DRC8: variants seen among roughly 807,000 people sequenced by gnomAD.
DRC8 encodes the protein dynein regulatory complex subunit 8.
the DRC8 span, among the ~76,000 whole-genome samples, chr1:245,022,235 T>C: frequency 6.7e-6 from 1 of 148,970 alleles, no homozygotes; most frequent in South Asian, 2.2e-4. Context: ...AACCTCCACC[T>C]CCTGGGTTCA....
the DRC8 span, among the ~76,000 whole-genome samples, chr1:244,999,151 G>T: frequency 6.6e-6 from 1 of 150,630 alleles, no homozygotes; most frequent in African/African-American, 2.4e-5. Context: ...GGAGGAGGAG[G>T]CAGCAATATT....
chr1:245,059,384 A>G, the DRC8 span: 359 of 1,601,912 alleles, frequency 2.2e-4, no homozygotes, highest in Non-Finnish European at 3.0e-4. Flanking sequence ...TTTTTTTTCC[A>G]GAGAGATTGG....
At chr1:245,037,972 T>C in the DRC8 span, among the ~76,000 whole-genome samples, 12 of 152,074 alleles carry the variant, frequency 7.9e-5, no homozygotes, top group East Asian at 3.8e-4. Flanking sequence ...ACTTGAAATA[T>C]ATAAAAATAG....
At chr1:245,043,946 C>G in the DRC8 span, 1 of 152,196 alleles carries the variant, frequency 6.6e-6, no homozygotes, top group Non-Finnish European at 1.5e-5. Flanking sequence ...TTCAGCAGCA[C>G]TTATCTAAGA....
the DRC8 span, among the ~76,000 whole-genome samples, chr1:245,085,637 T>C: frequency 6.6e-6 from 1 of 152,230 alleles, no homozygotes; most frequent in African/African-American, 2.4e-5. Flanking sequence ...GAATTCATCC[T>C]GTGGGCGATG....
the DRC8 span, among the ~76,000 whole-genome samples, chr1:245,101,972 C>T: frequency 8.5e-5 from 13 of 152,102 alleles, no homozygotes; most frequent in Non-Finnish European, 1.6e-4. Context: ...TTTTGTGACA[C>T]GAGATCAGGG....
the DRC8 span, among the ~76,000 whole-genome samples, chr1:245,020,659 A>G: frequency 2.6e-5 from 3 of 117,134 alleles, no homozygotes; most frequent in Admixed American, 1.3e-4. Flanking sequence ...TCGCTCTGTC[A>G]CCCAGGCTGG....
the DRC8 span, among the ~76,000 whole-genome samples, chr1:245,069,389 T>C: frequency 1.3e-5 from 2 of 152,150 alleles, no homozygotes; most frequent in Admixed American, 6.5e-5. Context: ...TCGTCCTCAT[T>C]GTCTTCACAC....
chr1:244,981,878 A>C, the DRC8 span, among the ~76,000 whole-genome samples: 1 of 152,230 alleles, frequency 6.6e-6, no homozygotes, highest in Admixed American at 6.5e-5. Flanking sequence ...GGCCAATTTC[A>C]GTGGCCGCTA....
chr1:245,121,089 T>C, the DRC8 span, among the ~76,000 whole-genome samples: 1 of 152,270 alleles, frequency 6.6e-6, no homozygotes. Context: ...TTGAAACCTT[T>C]GTATATTTTT....
At chr1:244,979,002 C>T in the DRC8 span, among the ~76,000 whole-genome samples, 2 of 152,084 alleles carry the variant, frequency 1.3e-5, no homozygotes, top group Non-Finnish European at 2.9e-5. Context: ...ATGATAGTTG[C>T]ACATGTATGA....
At chr1:245,104,130 A>C in the DRC8 span, among the ~76,000 whole-genome samples, 1 of 152,232 alleles carries the variant, frequency 6.6e-6, no homozygotes, top group African/African-American at 2.4e-5. Flanking sequence ...GTTATTGTGC[A>C]GCTGGTTTTG....
chr1:244,975,341 GC>G, the DRC8 span, among the ~76,000 whole-genome samples: 1 of 152,182 alleles, frequency 6.6e-6, no homozygotes, highest in Non-Finnish European at 1.5e-5. Flanking sequence ...ATAGAGTGTA[GC>G]CTGTGGGACA....
the DRC8 span, among the ~76,000 whole-genome samples, chr1:244,983,904 A>AT: frequency 1.7e-3 from 258 of 149,846 alleles, 1 homozygote; most frequent in African/African-American, 5.4e-3. Context: ...TTATACAAGG[A>AT]TTTTTTTTTT....
At chr1:245,113,516 G>T in the DRC8 span, among the ~76,000 whole-genome samples, 3 of 152,160 alleles carry the variant, frequency 2.0e-5, no homozygotes, top group Non-Finnish European at 4.4e-5. Context: ...CGTGGTTATT[G>T]TCTGAAATGG....
the DRC8 span, chr1:245,082,298 T>A: frequency 1.5e-6 from 1 of 674,628 alleles, no homozygotes; most frequent in South Asian, 1.9e-5. Flanking sequence ...CTCTAACCTT[T>A]CAAGCTACTT....
At chr1:245,025,210 G>T in the DRC8 span, among the ~76,000 whole-genome samples, 1 of 152,024 alleles carries the variant, frequency 6.6e-6, no homozygotes, top group East Asian at 1.9e-4. Flanking sequence ...GTGCCTCTAA[G>T]GTAAAGAAGA....
At chr1:245,031,451 C>G in the DRC8 span, among the ~76,000 whole-genome samples, 1 of 151,944 alleles carries the variant, frequency 6.6e-6, no homozygotes, top group South Asian at 2.1e-4. Flanking sequence ...GTGGGAGGTG[C>G]TTTTCCCTTT....
the DRC8 span, among the ~76,000 whole-genome samples, chr1:245,033,393 G>A: frequency 4.6e-5 from 7 of 151,976 alleles, no homozygotes; most frequent in African/African-American, 1.7e-4. Context: ...CCTTGTCTAC[G>A]TTGGGAAAAG....
Sources: gnomAD v4.1 joint callset for allele counts (sites outside exome capture counted in the v4.1 genomes callset) on GRCh38, gnomAD v4.1.1 for gene constraint, MANE v1.5 for transcripts, NCBI Gene and HGNC (gene_info 2026-07-23, HGNC 2026-07-21) for gene names.